The following AQR variants were observed in gnomAD, a reference collection of about 807,000 sequenced individuals.
The protein encoded by AQR is aquarius intron-binding spliceosomal factor.
A neutral mutation model predicts 180.5 loss-of-function variants in AQR; 61 were observed. The ratio of observed to expected loss-of-function variants is 0.34; its 90% CI spans 0.28 to 0.42. AQR has a LOEUF of 0.42. Ranked by LOEUF, AQR falls within the 10% of genes least tolerant of loss-of-function variation. The pLI is 1.00. For missense variants in AQR, 1,281 were observed against 1,798.3 expected, an observed-to-expected ratio of 0.71 and a Z score of 5.20; for synonymous variants, 551 against 588.8, an observed-to-expected ratio of 0.94 and a Z score of 0.93.
At chr15:34,947,763 C>T (rs1894152862) in intron 5 of AQR, among the ~76,000 whole-genome samples, 2 of 152,088 alleles carry the variant, frequency 1.3e-5, no homozygotes, top group Non-Finnish European at 2.9e-5. Flanking sequence ...CATCAATCTC[C>T]CAAGTAGCTG....
At chr15:34,883,947 G>T (rs1275981774) in intron 26 of AQR, among the ~76,000 whole-genome samples, 1 of 152,070 alleles carries the variant, frequency 6.6e-6, no homozygotes, top group Admixed American at 6.6e-5. Context: ...AGGCATACAG[G>T]ACTTAGAATG....
At position 34,918,255 on chromosome 15, in the gene AQR, T is replaced by C. The variant is rs745315050; in HGVS notation, c.1342+3A>G. 16 of 1,611,718 alleles carry C rather than the reference T, an allele frequency of 9.9e-6. No homozygotes were observed. Among genetic ancestry groups the C allele is most frequent in the Non-Finnish European group, 1.4e-5 (16 of 1,179,348 alleles). ...CAGCTGAATCCATACTTCTTTACCA[T>C]ACCTTCTCCAGAATAGTACTCAGTT... On this transcript the variant is annotated splice_donor_region_variant and intron_variant, in intron 15 of 34. Coordinates refer to ENST00000156471, the MANE Select transcript of AQR (RefSeq NM_014691.3).
In AQR at chr15:34,904,332, T is replaced by G; in HGVS notation, c.2001+4A>C. 1 of 1,569,446 alleles carries G rather than the reference T, an allele frequency of 6.4e-7. No homozygotes were observed. Among genetic ancestry groups the G allele is most frequent in the Non-Finnish European group, 8.6e-7 (1 of 1,156,632 alleles). Reference sequence around the variant, plus strand: ...GTACTTTTAGTTACATACCCCCAAATTACCTTAAAGTTATTTTCCTTTGGT... The same window carrying G: ...GTACTTTTAGTTACATACCCCCAAAGTACCTTAAAGTTATTTTCCTTTGGT... On this transcript the variant is annotated splice_donor_region_variant and intron_variant, in intron 19 of 34. Transcript: ENST00000156471.
intron 34 of AQR, among the ~76,000 whole-genome samples, chr15:34,858,797 T>C (rs1892627977): frequency 6.6e-6 from 1 of 152,216 alleles, no homozygotes; most frequent in South Asian, 2.1e-4. Flanking sequence ...TATAGTCAAT[T>C]GATATTTTGA....
chr15:34,900,827 C>A lies in AQR; in HGVS notation c.2038G>T (p.Asp680Tyr). ...LETIRNLMNT[D>Y]CVVPDWLHDI... ...TGCAGCCAGTCAGGTACCACACAAT[C>A]AGTATTCATCAGGTTCCGAATAGTC... is the stretch of plus-strand genomic sequence containing the variant. The change falls in exon 20 of 35, where the codon GAT (aspartate) becomes TAT (tyrosine). Residue 680 changes from aspartate to tyrosine, a missense_variant. Physicochemically the swap from Asp to Tyr is radical, Grantham distance 160. This residue lies in a region of AQR where 28 missense variants were observed against 75.3 expected (regional missense o/e 0.37). Coordinates refer to ENST00000156471, the MANE Select transcript of AQR (RefSeq NM_014691.3). The A allele has an allele frequency of 6.2e-7, 1 of 1,612,412 alleles. No individual in the cohort carries two copies. The highest frequency in any genetic ancestry group is 1.1e-5 in the South Asian group (1 of 90,866).
intron 17 of AQR, 117 bp from the exon 18 acceptor site, chr15:34,906,829 G>A (rs1893426390): frequency 6.5e-6 from 6 of 916,432 alleles, no homozygotes; most frequent in Non-Finnish European, 9.5e-6. Context: ...ACCGTTGAGT[G>A]ACCAATGATT....
chr15:34,948,095 GA>G, intron 5 of AQR, 168 bp downstream of exon 5: 2 of 655,530 alleles, frequency 3.1e-6, no homozygotes, highest in Non-Finnish European at 4.7e-6. Flanking sequence ...AGAAAGTATT[GA>G]AACCAAAAGA....
rs528456375 is a variant in AQR at position 34,938,426 on chromosome 15, G to C, written c.718+311C>G. Among the ~76,000 whole-genome samples, 46 of 152,000 alleles carry C rather than the reference G, an allele frequency of 3.0e-4. No individual in the cohort carries two copies. In the South Asian group the frequency reaches 8.9e-3, roughly 30 times the overall value. On this transcript the variant is annotated intron_variant, in intron 9 of 34. Transcript: ENST00000156471. ...TGCATCCCTGTAATCCCAGCTACTC[G>C]GGAGGCTGAGGCAGGAGAATCACTG...
chr15:34,862,141 T>C (rs910560241), intron 33 of AQR, among the ~76,000 whole-genome samples: 6 of 151,390 alleles, frequency 4.0e-5, no homozygotes, highest in African/African-American at 1.2e-4. Context: ...TAAGAGGGAG[T>C]AGTATTTCTC....
intron 9 of AQR, 84 bp downstream of exon 9, chr15:34,938,653 C>G (rs866831157): frequency 4.7e-6 from 4 of 856,620 alleles, no homozygotes; most frequent in Non-Finnish European, 7.5e-6. Flanking sequence ...ATTCCAAGAA[C>G]AGTTTTTAGA....
At position 34,940,803 on chromosome 15, in the gene AQR, G is replaced by T. The variant is rs139145435; in HGVS notation, c.641+96C>A. The T allele has an allele frequency of 7.1e-4, 623 of 872,206 alleles. 3 individuals carry two copies. In the African/African-American group the frequency reaches 9.8e-3, roughly 14 times the overall value. The allele number at this position is 872,206 out of a possible 1,614,324, so 54.0% of individuals were successfully genotyped here. On this transcript the variant is annotated intron_variant, in intron 8 of 34. Coordinates refer to ENST00000156471, the MANE Select transcript of AQR (RefSeq NM_014691.3). ...TATTATAATAATTTATTTGCACTCA[G>T]CACTATATAAAGGGAAACAACAAAC...
At chr15:34,955,013 C>G (rs1894286984) in intron 3 of AQR, among the ~76,000 whole-genome samples, 1 of 152,046 alleles carries the variant, frequency 6.6e-6, no homozygotes, top group African/African-American at 2.4e-5. Context: ...GTTCCAGGTA[C>G]TCAGGAGGCT....
At chr15:34,962,501 G>A (rs1370421123) in intron 2 of AQR, among the ~76,000 whole-genome samples, 3 of 152,054 alleles carry the variant, frequency 2.0e-5, no homozygotes, top group East Asian at 1.9e-4. Context: ...GGGTGTGGTG[G>A]CTCAAGCCTG....
intron 14 of AQR, among the ~76,000 whole-genome samples, chr15:34,919,238 CAA>C (rs35127817): frequency 1.3e-3 from 148 of 111,222 alleles, no homozygotes; most frequent in Non-Finnish European, 1.5e-3. Flanking sequence ...GACTCCATCT[CAA>C]AAAAAAAAAA....
intron 23 of AQR, among the ~76,000 whole-genome samples, chr15:34,893,080 T>G (rs181234911): frequency 6.6e-6 from 1 of 152,316 alleles, no homozygotes; most frequent in Admixed American, 6.5e-5. Flanking sequence ...TGCTCCTTCC[T>G]TATGTTAGGA....
At chr15:34,891,197 C>CT (rs1265924238) in intron 23 of AQR, among the ~76,000 whole-genome samples, 5 of 152,136 alleles carry the variant, frequency 3.3e-5, no homozygotes, top group Non-Finnish European at 7.4e-5. Context: ...AAATCCCCCA[C>CT]TATCCAAACT....
intron 17 of AQR, among the ~76,000 whole-genome samples, chr15:34,907,115 T>C (rs1374305369): frequency 6.6e-6 from 1 of 152,218 alleles, no homozygotes; most frequent in Non-Finnish European, 1.5e-5. Flanking sequence ...CAGTTTAAAC[T>C]ATCTATCAGT....
intron 16 of AQR, among the ~76,000 whole-genome samples, 192 bp downstream of exon 16, chr15:34,914,846 G>A (rs958205596): frequency 6.6e-6 from 1 of 152,052 alleles, no homozygotes; most frequent in Non-Finnish European, 1.5e-5. Context: ...ACCCAGATAT[G>A]TGGTTTATAT....
chr15:34,902,570 C>T (rs957410884), intron 19 of AQR, among the ~76,000 whole-genome samples: 1 of 152,096 alleles, frequency 6.6e-6, no homozygotes, highest in Non-Finnish European at 1.5e-5. Context: ...AGGCATCTGT[C>T]TATATTTCTA....
Sources: gnomAD v4.1 joint callset for allele counts (sites outside exome capture counted in the v4.1 genomes callset) on GRCh38, gnomAD v4.1.1 for gene constraint, gnomAD v4.1.1 regional missense constraint, MANE v1.5 for transcripts, NCBI Gene and HGNC (gene_info 2026-07-23, HGNC 2026-07-21) for gene names.